Variants in SNX29 observed in about 807,000 individuals in gnomAD.
SNX29 encodes the protein sorting nexin-29.
In SNX29, 78 loss-of-function variants were observed where a neutral mutation model predicts 102.1. The ratio of observed to expected loss-of-function variants is 0.76; its 90% CI spans 0.64 to 0.92. The LOEUF (loss-of-function observed/expected upper bound fraction) is 0.92. Among genes scored for constraint, SNX29 ranks in the 40% least tolerant of loss-of-function variants. The pLI is 0.00. For missense variants in SNX29, 1,280 were observed against 1,061.7 expected (o/e 1.21, Z -2.86); for synonymous variants, 580 against 414.5 (o/e 1.40, Z -4.85).
rs1597956479 is a variant in SNX29, at chr16:12,552,277, T to C, written c.2319-16229T>C. 3.3e-5 allele frequency among the ~76,000 whole-genome samples: 5 copies of C among 152,320 alleles called. 1 individual carries two copies. In the South Asian group the frequency reaches 1.0e-3, roughly 32 times the overall value. On this transcript the variant is annotated intron_variant, in intron 20 of 20. Transcript: ENST00000566228. Reference sequence around the variant, plus strand: ...TAGGGGCTCGTAAGCCCTGGCCAGTTAACTTCTGTGCCTCAGTTTCCTCTT... The same window carrying C: ...TAGGGGCTCGTAAGCCCTGGCCAGTCAACTTCTGTGCCTCAGTTTCCTCTT...
At chr16:12,409,421 CTTTTTTTTTTTTT>C (rs71139589) in intron 18 of SNX29, among the ~76,000 whole-genome samples, 40 of 89,646 alleles carry the variant, frequency 4.5e-4, no homozygotes, top group Non-Finnish European at 7.5e-4. Flanking sequence ...GATTCACTGT[CTTTTTTTTTTTTT>C]TTTTTTTTTT....
intron 15 of SNX29, among the ~76,000 whole-genome samples, chr16:12,313,001 G>A (rs1335496919): frequency 1.4e-5 from 2 of 147,510 alleles, no homozygotes; most frequent in Non-Finnish European, 3.0e-5. Flanking sequence ...TTCGGACCCT[G>A]GGGAGACTTT....
intron 11 of SNX29, chr16:12,093,538 C>G (rs2052645759): frequency 6.6e-6 from 1 of 152,168 alleles, no homozygotes; most frequent in Admixed American, 6.5e-5. Context: ...CTCTTGAACC[C>G]AGGAGTTGTA....
chr16:12,499,914 G>A (rs574499047), intron 19 of SNX29, among the ~76,000 whole-genome samples: 2 of 151,968 alleles, frequency 1.3e-5, no homozygotes, highest in African/African-American at 2.4e-5. Context: ...TGGGCTCAAG[G>A]GATCCACCTG....
intron 20 of SNX29, among the ~76,000 whole-genome samples, chr16:12,543,663 C>G (rs28760604): frequency 0.032 from 4,812 of 152,332 alleles, 254 homozygotes; most frequent in African/African-American, 0.11. Context: ...AGACGCTCTT[C>G]CAGCCTGCAT....
chr16:12,115,041 G>T (rs2141290267), intron 11 of SNX29, among the ~76,000 whole-genome samples: 1 of 152,264 alleles, frequency 6.6e-6, no homozygotes, highest in Non-Finnish European at 1.5e-5. Context: ...TGAAATGGGG[G>T]ATGACACCAC....
intron 20 of SNX29, among the ~76,000 whole-genome samples, chr16:12,548,428 C>T (rs1178964372): frequency 1.3e-5 from 2 of 152,222 alleles, no homozygotes; most frequent in Non-Finnish European, 2.9e-5. Context: ...CCCCACTGTG[C>T]CACATCCCTG....
intron 10 of SNX29, among the ~76,000 whole-genome samples, chr16:12,073,819 C>T (rs1466347035): frequency 3.9e-5 from 6 of 151,902 alleles, no homozygotes; most frequent in South Asian, 2.1e-4. Flanking sequence ...CTTTGTAGGT[C>T]ACTCAGGACT....
chr16:12,322,762 A>G (rs979054831), intron 15 of SNX29, among the ~76,000 whole-genome samples: 1 of 149,540 alleles, frequency 6.7e-6, no homozygotes, highest in Non-Finnish European at 1.5e-5. Flanking sequence ...TTACTGGGGG[A>G]CCACCGTCAG....
chr16:12,281,975 C>T (rs1233155219), intron 15 of SNX29, among the ~76,000 whole-genome samples: 1 of 147,930 alleles, frequency 6.8e-6, no homozygotes, highest in Non-Finnish European at 1.5e-5. Flanking sequence ...TCCCCAGCTA[C>T]TTGGGAGGCT....
intron 14 of SNX29, among the ~76,000 whole-genome samples, chr16:12,242,502 C>T (rs559519150): frequency 1.7e-4 from 25 of 151,386 alleles, no homozygotes; most frequent in Admixed American, 1.3e-3. Context: ...GAGAATTAGT[C>T]GGCTAAGTTT....
intron 14 of SNX29, among the ~76,000 whole-genome samples, chr16:12,215,170 C>A (rs557672220): frequency 1.3e-5 from 2 of 152,146 alleles, no homozygotes; most frequent in East Asian, 1.9e-4. Context: ...TACTATTATC[C>A]CCATTTACAC....
At chr16:12,402,093 G>A (rs2083968751) in intron 17 of SNX29, among the ~76,000 whole-genome samples, 1 of 152,214 alleles carries the variant, frequency 6.6e-6, no homozygotes, top group Admixed American at 6.5e-5. Flanking sequence ...TTTCCAGGAG[G>A]AAAGTGATTA....
chr16:12,203,080 C>G (rs2076953452), intron 14 of SNX29, among the ~76,000 whole-genome samples: 1 of 149,890 alleles, frequency 6.7e-6, no homozygotes, highest in South Asian at 2.1e-4. Context: ...GGTGACAGCT[C>G]TCAAGTTGTG....
chr16:12,393,400 GCATGCATGCATGCATTCATT>G (rs1259109054), intron 16 of SNX29, among the ~76,000 whole-genome samples: 1 of 137,976 alleles, frequency 7.2e-6, no homozygotes, highest in Non-Finnish European at 1.6e-5. Flanking sequence ...ATTCATGCAT[GCATGCATGCATGCATTCATT>G]CATTCATTCA....
chr16:12,288,888 A>T (rs184087756), intron 15 of SNX29, among the ~76,000 whole-genome samples: 189 of 151,778 alleles, frequency 1.2e-3, no homozygotes, highest in African/African-American at 4.4e-3. Flanking sequence ...GCAAGATTTG[A>T]CCCCCTGACT....
At chr16:12,340,858 C>G (rs1334252202) in intron 15 of SNX29, among the ~76,000 whole-genome samples, 2 of 152,160 alleles carry the variant, frequency 1.3e-5, no homozygotes, top group African/African-American at 4.8e-5. Context: ...CGCTTTATAG[C>G]CTTTTACGTG....
rs57069628 is a variant in SNX29, at chr16:12,169,052, T to G, written c.1596-30549T>G. The stretch of plus-strand genomic sequence containing the variant: ...TGATCTCAAGACTTGGCCTCACTGC[T>G]GAGGGGTGTGAGGTTTCTTGTGCAG... On this transcript the variant is annotated intron_variant, in intron 13 of 20. Coordinates refer to ENST00000566228, the MANE Select transcript of SNX29 (RefSeq NM_032167.5). Among the ~76,000 whole-genome samples the G allele has an allele frequency of 7.7e-3, 1,166 of 152,304 alleles. 20 individuals are homozygous for G. Among genetic ancestry groups the G allele is most frequent in the African/African-American group, 0.027 (1,104 of 41,568 alleles).
chr16:12,057,521 C>G (rs2050568522), intron 8 of SNX29, among the ~76,000 whole-genome samples: 1 of 152,136 alleles, frequency 6.6e-6, no homozygotes, highest in Non-Finnish European at 1.5e-5. Flanking sequence ...GGATGTTTAT[C>G]CCACTTGGTT....
Sources: allele counts gnomAD v4.1 joint callset (sites outside exome capture counted in the v4.1 genomes callset), GRCh38; gene constraint gnomAD v4.1.1; transcripts MANE v1.5; gene names NCBI Gene and HGNC (gene_info 2026-07-23, HGNC 2026-07-21).